The following CADPS variants were observed in gnomAD, a reference collection of about 807,000 sequenced individuals.
The protein encoded by CADPS is calcium dependent secretion activator, also known as calcium-dependent secretion activator 1.
A neutral mutation model predicts 167.3 loss-of-function variants in CADPS; 57 were observed. The observed-to-expected ratio is 0.34, with a 90% CI of 0.28 to 0.42. The LOEUF is 0.42. Ranked by LOEUF, CADPS falls within the 20% of genes least tolerant of loss-of-function variation. CADPS has a pLI of 1.00. For missense variants in CADPS, 1,414 were observed against 1,738.1 expected (o/e 0.81, Z 3.32); for synonymous variants, 676 against 635.3 (o/e 1.06, Z -0.96).
chr3:62,673,318 C>T (rs1368727698), intron 3 of CADPS, among the ~76,000 whole-genome samples: 1 of 152,082 alleles, frequency 6.6e-6, no homozygotes, highest in East Asian at 1.9e-4. Flanking sequence ...AAATCATGAC[C>T]TAAATAGAAA....
chr3:62,723,965 A>G (rs1013752019), intron 3 of CADPS, among the ~76,000 whole-genome samples: 2 of 152,318 alleles, frequency 1.3e-5, no homozygotes, highest in Admixed American at 1.3e-4. Context: ...GGAGGGTGTC[A>G]CAGTTCAGGT....
chr3:62,632,301 A>T (rs2065428014), intron 6 of CADPS, among the ~76,000 whole-genome samples: 1 of 152,194 alleles, frequency 6.6e-6, no homozygotes, highest in Non-Finnish European at 1.5e-5. Context: ...ACTTTCCCTC[A>T]ATTTTCTACA....
chr3:62,638,023 C>A (rs889626731), intron 6 of CADPS, among the ~76,000 whole-genome samples: 8 of 150,370 alleles, frequency 5.3e-5, no homozygotes, highest in African/African-American at 2.0e-4. Flanking sequence ...AAGAATAAAG[C>A]CATGATTACA....
intron 8 of CADPS, 65 bp from the exon 9 acceptor site, chr3:62,571,003 T>C: frequency 9.3e-7 from 1 of 1,072,286 alleles, no homozygotes. Context: ...TGAACACACT[T>C]TGCCGTGAAG....
intron 3 of CADPS, among the ~76,000 whole-genome samples, chr3:62,723,473 A>C (rs996637717): frequency 6.6e-6 from 1 of 152,124 alleles, no homozygotes; most frequent in Non-Finnish European, 1.5e-5. Context: ...CTGCTGTCTG[A>C]ATATACATGA....
At chr3:62,739,005 C>G (rs560117515) in intron 3 of CADPS, among the ~76,000 whole-genome samples, 2 of 152,164 alleles carry the variant, frequency 1.3e-5, no homozygotes, top group Non-Finnish European at 2.9e-5. Context: ...ACCTTCCACT[C>G]TGATTATAAC....
At chr3:62,637,843 T>A (rs988454954) in intron 6 of CADPS, among the ~76,000 whole-genome samples, 2 of 152,048 alleles carry the variant, frequency 1.3e-5, no homozygotes, top group Non-Finnish European at 2.9e-5. Context: ...AAAATGAGAA[T>A]AACAATAGTA....
At chr3:62,853,574 C>T (rs1203931114) in intron 1 of CADPS, among the ~76,000 whole-genome samples, 2 of 150,162 alleles carry the variant, frequency 1.3e-5, no homozygotes, top group African/African-American at 2.4e-5. Context: ...GCAGTGAGCC[C>T]GCATCGTGTC....
intron 1 of CADPS, among the ~76,000 whole-genome samples, chr3:62,781,822 T>G (rs2091696575): frequency 6.6e-6 from 1 of 152,142 alleles, no homozygotes; most frequent in Admixed American, 6.5e-5. Flanking sequence ...CTTTGGAAGC[T>G]TGTCTCTTTG....
chr3:62,697,547 G>C (rs2080558797), intron 3 of CADPS, among the ~76,000 whole-genome samples: 1 of 151,996 alleles, frequency 6.6e-6, no homozygotes, highest in African/African-American at 2.4e-5. Flanking sequence ...TGCAGTTGTG[G>C]ATCATGCTGC....
chr3:62,516,984 A>C (rs935406523), intron 14 of CADPS, among the ~76,000 whole-genome samples: 1 of 152,098 alleles, frequency 6.6e-6, no homozygotes, highest in Non-Finnish European at 1.5e-5. Flanking sequence ...TGGCGTTAAA[A>C]AAGTATTAGT....
intron 1 of CADPS, among the ~76,000 whole-genome samples, chr3:62,835,618 G>A (rs2075784272): frequency 6.6e-6 from 1 of 152,112 alleles, no homozygotes. Context: ...CTTATTATGA[G>A]AGAGAGAGCA....
In CADPS at chr3:62,667,180, C is replaced by T. The variant is rs139314348; in HGVS notation, c.889-4786G>A. On this transcript the variant is annotated intron_variant, in intron 3 of 29. Coordinates refer to ENST00000383710, the MANE Select transcript of CADPS (RefSeq NM_003716.4). ...TATGAGGATTAAGTCAGATGATATA[C>T]ATTCAAAGCACCCAGTGAGGTAGGT... Among the ~76,000 whole-genome samples the T allele has an allele frequency of 5.2e-3, 787 of 151,956 alleles. 13 individuals are homozygous for T. The highest frequency in any genetic ancestry group is 0.018 in the African/African-American group (732 of 41,480).
intron 13 of CADPS, among the ~76,000 whole-genome samples, chr3:62,524,702 A>G (rs771093882): frequency 2.6e-5 from 4 of 152,196 alleles, no homozygotes; most frequent in African/African-American, 7.2e-5. Context: ...CTCTCTACTG[A>G]ACAGTCACAA....
chr3:62,487,313 T>C (rs544382349), intron 21 of CADPS, among the ~76,000 whole-genome samples: 6 of 152,346 alleles, frequency 3.9e-5, no homozygotes, highest in Admixed American at 1.3e-4. Context: ...CCATGGCTTA[T>C]TACCAATGAG....
intron 18 of CADPS, among the ~76,000 whole-genome samples, chr3:62,497,020 A>G (rs911199643): frequency 3.9e-5 from 6 of 152,162 alleles, no homozygotes; most frequent in African/African-American, 1.2e-4. Flanking sequence ...AATTGAGTTG[A>G]TGTCTACTCT....
intron 3 of CADPS, among the ~76,000 whole-genome samples, chr3:62,707,475 A>C (rs1446925916): frequency 6.6e-6 from 1 of 152,160 alleles, no homozygotes; most frequent in Non-Finnish European, 1.5e-5. Context: ...ACACATAGTA[A>C]GTACTGAATA....
intron 3 of CADPS, among the ~76,000 whole-genome samples, chr3:62,751,692 A>G (rs2082740707): frequency 1.3e-5 from 2 of 152,160 alleles, no homozygotes; most frequent in African/African-American, 4.8e-5. Flanking sequence ...AAGTGCTGAG[A>G]TTACAGGCAT....
intron 3 of CADPS, among the ~76,000 whole-genome samples, chr3:62,742,026 T>A (rs2080371163): frequency 6.6e-6 from 1 of 152,018 alleles, no homozygotes; most frequent in Non-Finnish European, 1.5e-5. Flanking sequence ...CCATTCACAA[T>A]TGCCACAAAA....
Sources: allele counts gnomAD v4.1 joint callset (sites outside exome capture counted in the v4.1 genomes callset), GRCh38; gene constraint gnomAD v4.1.1; transcripts MANE v1.5; gene names NCBI Gene and HGNC (gene_info 2026-07-23, HGNC 2026-07-21).